Variants in PEMT observed in about 807,000 individuals in gnomAD.
PEMT encodes phospholipid methyltransferase.
PEMT carries 23 observed loss-of-function variants against 27.4 expected under a neutral mutation model. The ratio of observed to expected loss-of-function variants is 0.84; its 90% CI spans 0.60 to 1.19. The LOEUF is 1.19. PEMT is among the 50% of genes most tolerant of loss of function. The pLI, the probability that PEMT is intolerant of heterozygous loss-of-function variation, is 0.00. For synonymous variants in PEMT, 137 were observed against 139.1 expected (o/e 0.98, Z 0.11); for missense variants, 307 against 310.1 (o/e 0.99, Z 0.07).
chr17:17,550,455 C>T (rs990478492), intron 2 of PEMT, among the ~76,000 whole-genome samples: 2 of 152,156 alleles, frequency 1.3e-5, no homozygotes, highest in African/African-American at 2.4e-5. Context: ...CACACCTGAA[C>T]GGTCTGCTTC....
chr17:17,572,797 G>A (rs765597613), intron 2 of PEMT, among the ~76,000 whole-genome samples: 1 of 152,238 alleles, frequency 6.6e-6, no homozygotes, highest in Admixed American at 6.5e-5. Context: ...AGCATTTGCT[G>A]TGAAGATTCA....
In PEMT at chr17:17,582,464, T is replaced by G. The variant is rs890802086; in HGVS notation, c.97-5437A>C. The G allele has an allele frequency of 4.5e-5, 44 of 982,816 alleles. No homozygotes were observed. Among genetic ancestry groups the G allele is most frequent in the Non-Finnish European group, 4.8e-5 (40 of 827,644 alleles). The allele number at this position is 982,816 out of a possible 1,614,324, so 60.9% of individuals were successfully genotyped here. ...TCTGCAGTGGGTCAACATGTCACAT[T>G]GTGACACATGGACAAACAGCAGGCC... On this transcript the variant is annotated intron_variant, in intron 1 of 6. Transcript: ENST00000255389. This position sits in a 1 kb window ranked among gnomAD's most constrained non-coding sequence, Gnocchi z 4.9.
chr17:17,514,090 C>G (rs1371293540), intron 3 of PEMT, among the ~76,000 whole-genome samples: 5 of 152,222 alleles, frequency 3.3e-5, no homozygotes, highest in Non-Finnish European at 5.9e-5. Context: ...TCTGCCCACA[C>G]AACCATCCAT....
Position 17,509,458 on chromosome 17 carries a change from G to A in PEMT, c.554C>T (p.Ala185Val). Residue 185 changes from alanine (A) to valine (V), a missense_variant, in exon 5 of 7, where the codon GCC becomes GTC. Ala to Val is a moderately conservative substitution (Grantham distance 64, BLOSUM62 0). Transcript: ENST00000255389. ...LDNPMYWGST[A>V]NYLGWAIMHA... ...CATGATGGCCCAGCCCAGGTAGTTG[G>A]CTGTGCTTCCCCAGTACATGGGGTT... The A allele has an allele frequency of 6.2e-7, 1 of 1,613,084 alleles. No homozygotes were observed. The highest frequency in any genetic ancestry group is 1.7e-5 in the Admixed American group (1 of 59,974).
intron 3 of PEMT, among the ~76,000 whole-genome samples, chr17:17,520,948 G>A (rs190116104): frequency 2.0e-5 from 3 of 152,372 alleles, no homozygotes; most frequent in East Asian, 1.9e-4. Context: ...GGCCACCCTC[G>A]GTGAGTGTGT....
intron 3 of PEMT, among the ~76,000 whole-genome samples, chr17:17,521,949 C>T (rs148581227): frequency 2.1e-4 from 32 of 152,306 alleles, no homozygotes; most frequent in Admixed American, 5.9e-4. Flanking sequence ...GAGCCAGCAT[C>T]CACCTTCTGA....
chr17:17,567,773 G>A (rs1212804752), intron 2 of PEMT, among the ~76,000 whole-genome samples: 1 of 152,240 alleles, frequency 6.6e-6, no homozygotes, highest in African/African-American at 2.4e-5. Flanking sequence ...TCTCAGTCAG[G>A]CCTGATGAGC....
intron 1 of PEMT, among the ~76,000 whole-genome samples, chr17:17,586,745 A>G (rs1262685464): frequency 1.3e-5 from 2 of 152,146 alleles, no homozygotes; most frequent in Non-Finnish European, 2.9e-5. Flanking sequence ...GCTCATGCCT[A>G]TAATCCCAGT....
At chr17:17,521,154 G>A (rs1488410622) in intron 3 of PEMT, among the ~76,000 whole-genome samples, 2 of 152,218 alleles carry the variant, frequency 1.3e-5, no homozygotes, top group African/African-American at 4.8e-5. Context: ...CCCAGTGAGC[G>A]CTCCACGTGG....
chr17:17,531,621 C>CAAAAAAAA (rs58165466), intron 2 of PEMT, among the ~76,000 whole-genome samples: 63 of 62,384 alleles, frequency 1.0e-3, no homozygotes, highest in South Asian at 1.9e-3. Flanking sequence ...CTATCATATG[C>CAAAAAAAA]AAAAAAAAAA....
At position 17,533,587 on chromosome 17, in the gene PEMT, AG is replaced by A. The variant is rs543938952; in HGVS notation, c.205-11193del. Reference sequence around the variant, plus strand: ...TATTTGTAAATTATTTATCTGATAAAGGATTGTATCTAGAATACATAAAGAA... The same window carrying A: ...TATTTGTAAATTATTTATCTGATAAAGATTGTATCTAGAATACATAAAGAA... On this transcript the variant is annotated intron_variant, in intron 2 of 6. Transcript: ENST00000255389. 9.7e-3 allele frequency among the ~76,000 whole-genome samples: 1,479 copies of A among 152,360 alleles called. 27 individuals carry two copies. Among genetic ancestry groups the A allele is most frequent in the African/African-American group, 0.033 (1,373 of 41,574 alleles).
At chr17:17,571,393 C>T (rs1339989902) in intron 2 of PEMT, among the ~76,000 whole-genome samples, 2 of 152,066 alleles carry the variant, frequency 1.3e-5, no homozygotes, top group Admixed American at 1.3e-4. Context: ...GCCGGGAAAG[C>T]CTCCCATGGT....
At chr17:17,551,795 C>T (rs953994768) in intron 2 of PEMT, among the ~76,000 whole-genome samples, 7 of 152,310 alleles carry the variant, frequency 4.6e-5, no homozygotes, top group African/African-American at 9.6e-5. Flanking sequence ...TGCTGGTCAG[C>T]GACCCCTCGT....
At chr17:17,565,385 C>T (rs1307931004) in intron 2 of PEMT, 1 of 152,402 alleles carries the variant, frequency 6.6e-6, no homozygotes, top group East Asian at 1.9e-4. Flanking sequence ...TCTCAAGGTC[C>T]AGCAGTAACA....
intron 1 of PEMT, among the ~76,000 whole-genome samples, chr17:17,588,256 A>G (rs1376985144): frequency 6.6e-6 from 1 of 152,198 alleles, no homozygotes; most frequent in Non-Finnish European, 1.5e-5. Flanking sequence ...ATAACGGCCT[A>G]ATGTTTATTT....
chr17:17,556,393 A>G (rs1238025673), intron 2 of PEMT, among the ~76,000 whole-genome samples: 1 of 137,930 alleles, frequency 7.3e-6, no homozygotes, highest in Non-Finnish European at 1.6e-5. Flanking sequence ...TTTTTTTTTT[A>G]GACGGAGTCT....
intron 2 of PEMT, among the ~76,000 whole-genome samples, chr17:17,543,878 T>C (rs1012298685): frequency 6.6e-6 from 1 of 152,214 alleles, no homozygotes; most frequent in Non-Finnish European, 1.5e-5. Context: ...ATGCCTTTTT[T>C]GACCCAAAAT....
At chr17:17,591,870 C>G, upstream of PEMT, 1 of 985,502 alleles carries the variant, frequency 1.0e-6, no homozygotes, top group Non-Finnish European at 1.2e-6. Context: ...GCAGAGCCTG[C>G]CGGTTCCGCT....
At chr17:17,545,001 G>C (rs140702861) in intron 2 of PEMT, among the ~76,000 whole-genome samples, 2 of 152,190 alleles carry the variant, frequency 1.3e-5, no homozygotes, top group Non-Finnish European at 2.9e-5. Flanking sequence ...GCCCGGGCCC[G>C]GGTTAACTTG....
Sources: gnomAD v4.1 joint callset for allele counts (sites outside exome capture counted in the v4.1 genomes callset) on GRCh38, gnomAD v4.1.1 for gene constraint, Gnocchi (gnomAD v3.1) non-coding constraint, MANE v1.5 for transcripts, NCBI Gene and HGNC (gene_info 2026-07-23, HGNC 2026-07-21) for gene names.